CD2AP: variants seen among roughly 807,000 people sequenced by gnomAD.
CD2AP encodes CD2 associated protein, also known as CD2-associated protein.
In CD2AP, 46 loss-of-function variants were observed where a neutral mutation model predicts 85.1. That is an observed-to-expected ratio of 0.54 (90% CI 0.43 to 0.69). The LOEUF (loss-of-function observed/expected upper bound fraction) is 0.69. Among genes scored for constraint, CD2AP ranks in the 30% least tolerant of loss-of-function variants. The pLI is 0.00. For synonymous variants in CD2AP, 255 were observed against 252.9 expected (o/e 1.01, Z -0.08); for missense variants, 769 against 729.5 (o/e 1.05, Z -0.62).
chr6:47,481,084 T>C (rs1472529167), intron 1 of CD2AP, among the ~76,000 whole-genome samples: 1 of 152,166 alleles, frequency 6.6e-6, no homozygotes, highest in Non-Finnish European at 1.5e-5. Context: ...GGGAGACAGA[T>C]AGGCAGTGCT....
chr6:47,595,386 C>T (rs972566839), intron 11 of CD2AP, among the ~76,000 whole-genome samples: 3 of 151,882 alleles, frequency 2.0e-5, no homozygotes, highest in Non-Finnish European at 2.9e-5. Flanking sequence ...TTTCTCTTAA[C>T]ATTTGATTTT....
chr6:47,544,454 A>G (rs1199931340), intron 3 of CD2AP, 152 bp from the exon 4 acceptor site: 1 of 607,302 alleles, frequency 1.6e-6, no homozygotes, highest in African/African-American at 1.8e-5. Flanking sequence ...TAAAAAGCTA[A>G]CCAGGGCTGA....
chr6:47,615,784 TTTA>T (rs1462275179), intron 17 of CD2AP, among the ~76,000 whole-genome samples: 1,978 of 103,130 alleles, frequency 0.019, 29 homozygotes, highest in South Asian at 0.11. Context: ...TTAATTTTAA[TTTA>T]ATTTAATTTA....
At chr6:47,487,631 A>G (rs1240501148) in intron 1 of CD2AP, among the ~76,000 whole-genome samples, 1 of 152,184 alleles carries the variant, frequency 6.6e-6, no homozygotes, top group Non-Finnish European at 1.5e-5. Context: ...TGGAGCTTGC[A>G]GTGAGCTGAG....
rs546896725 is a variant in CD2AP, at chr6:47,595,873, C to T, written c.1121C>T (p.Thr374Ile). The change falls in exon 12 of 18, where the codon ACA (threonine) becomes ATA (isoleucine). Residue 374 changes from threonine (T) to isoleucine (I), a missense_variant. By Grantham distance (89) the Thr-to-Ile change is moderately conservative. Transcript: ENST00000359314. ...TTTTAAATCTTAGATGAAAAATCAA[C>T]ACTGGAACAGAAACCTTCTAAACCA... ...LKPEEKDEKS[T>I]LEQKPSKPAA... The T allele has an allele frequency of 6.2e-7, 1 of 1,611,950 alleles. No homozygotes were observed. Among genetic ancestry groups the T allele is most frequent in the East Asian group, 2.2e-5 (1 of 44,824 alleles).
At chr6:47,583,489 C>T (rs1301095913) in intron 11 of CD2AP, among the ~76,000 whole-genome samples, 1 of 152,102 alleles carries the variant, frequency 6.6e-6, no homozygotes, top group Non-Finnish European at 1.5e-5. Context: ...TTTGCCTTTT[C>T]CAGAGTGTCA....
chr6:47,588,091 G>A lies in CD2AP; in HGVS notation c.1108+6026G>A, dbSNP rs906971270. Among the ~76,000 whole-genome samples, 3 of 152,062 alleles carry A rather than the reference G, an allele frequency of 2.0e-5. No homozygotes were observed. The East Asian group carries it at 5.8e-4, about 29-fold the overall frequency. Reference sequence around the variant, plus strand: ...TCTGTCTAAAATACATACTTTTTTAGGGGACATCCTTCTTTCTCTGGAATT... The same window carrying A: ...TCTGTCTAAAATACATACTTTTTTAAGGGACATCCTTCTTTCTCTGGAATT... On this transcript the variant is annotated intron_variant, in intron 11 of 17. Coordinates refer to ENST00000359314, the MANE Select transcript of CD2AP (RefSeq NM_012120.3).
In CD2AP at chr6:47,478,136, A is replaced by T; in HGVS notation, c.-109A>T. 1.4e-6 allele frequency: 2 copies of T among 1,399,306 alleles called. No individual in the cohort carries two copies. Among genetic ancestry groups the T allele is most frequent in the Non-Finnish European group, 2.0e-6 (2 of 1,011,362 alleles). The allele number at this position is 1,399,306 out of a possible 1,614,324, so 86.7% of individuals were successfully genotyped here. On this transcript the variant is annotated 5_prime_UTR_variant, in exon 1 of 18. Transcript: ENST00000359314. The stretch of plus-strand genomic sequence containing the variant: ...GCCCCGCCTGAGCTCAGGAGGGGCT[A>T]GCGCGGAGCGCGGGTCCCGCCTCCA...
rs543049057 is a variant in CD2AP, at chr6:47,509,002, T to G, written c.165+5562T>G. On this transcript the variant is annotated intron_variant, in intron 2 of 17. Transcript: ENST00000359314. ...GGCCTATCTCAACTTTCAGCATTAC[T>G]TCCTCACTAAACTTGGTCATTTCTA... Among the ~76,000 whole-genome samples the G allele has an allele frequency of 2.0e-5, 3 of 152,346 alleles. No homozygotes were observed. The South Asian group carries it at 6.2e-4, about 32-fold the overall frequency.
intron 4 of CD2AP, among the ~76,000 whole-genome samples, chr6:47,550,994 G>A (rs1767503806): frequency 6.6e-6 from 1 of 152,230 alleles, no homozygotes; most frequent in Non-Finnish European, 1.5e-5. Flanking sequence ...AGGATGCAAA[G>A]GCATAAGAAT....
intron 2 of CD2AP, among the ~76,000 whole-genome samples, chr6:47,503,974 G>A (rs905739895): frequency 3.9e-5 from 6 of 152,060 alleles, no homozygotes; most frequent in African/African-American, 1.5e-4. Context: ...AATGCATTTG[G>A]TCATACTTTT....
intron 2 of CD2AP, among the ~76,000 whole-genome samples, chr6:47,512,065 G>A (rs1355150872): frequency 6.6e-6 from 1 of 152,184 alleles, no homozygotes; most frequent in Non-Finnish European, 1.5e-5. Flanking sequence ...GGCTGAGGCA[G>A]GAGAATGGTG....
intron 17 of CD2AP, among the ~76,000 whole-genome samples, chr6:47,623,600 A>AAGTT: frequency 6.6e-6 from 1 of 152,152 alleles, no homozygotes. Flanking sequence ...TAAATTCCTT[A>AAGTT]AGTTATGAAT....
At chr6:47,607,558 TATTC>T (rs1769309355) in intron 14 of CD2AP, among the ~76,000 whole-genome samples, 2 of 152,104 alleles carry the variant, frequency 1.3e-5, no homozygotes, top group African/African-American at 4.8e-5. Flanking sequence ...TGTTGTGAAA[TATTC>T]ATTGTTTTTG....
chr6:47,587,945 A>C (rs1367059046), intron 11 of CD2AP, among the ~76,000 whole-genome samples: 3 of 152,090 alleles, frequency 2.0e-5, no homozygotes, highest in Non-Finnish European at 2.9e-5. Context: ...GAATTCTATT[A>C]TTGTAGGCTC....
At chr6:47,543,148 C>CAAAAAAAAAAAAAAAAAAAAAAAAAGAAA (rs11338409) in intron 3 of CD2AP, among the ~76,000 whole-genome samples, 1 of 60,322 alleles carries the variant, frequency 1.7e-5, no homozygotes, top group South Asian at 7.6e-4. Context: ...AAGACTGTCT[C>CAAAAAAAAAAAAAAAAAAAAAAAAAGAAA]AAAAAAAAAA....
At chr6:47,495,859 C>CT (rs1360718578) in intron 1 of CD2AP, among the ~76,000 whole-genome samples, 1 of 152,180 alleles carries the variant, frequency 6.6e-6, no homozygotes, top group East Asian at 1.9e-4. Context: ...TTAGTGATCA[C>CT]TACATGCATT....
At chr6:47,599,188 G>C in intron 12 of CD2AP, 113 bp from the exon 13 acceptor site, 1 of 852,902 alleles carries the variant, frequency 1.2e-6, no homozygotes, top group Non-Finnish European at 1.9e-6. Context: ...TGGTTTTACA[G>C]AACAGAAAGT....
intron 17 of CD2AP, among the ~76,000 whole-genome samples, chr6:47,618,402 G>C (rs948714403): frequency 6.6e-6 from 1 of 152,090 alleles, no homozygotes; most frequent in Non-Finnish European, 1.5e-5. Flanking sequence ...TATTTTCACT[G>C]TTAGGGTATG....
Sources: gnomAD v4.1 joint callset for allele counts (sites outside exome capture counted in the v4.1 genomes callset) on GRCh38, gnomAD v4.1.1 for gene constraint, MANE v1.5 for transcripts, NCBI Gene and HGNC (gene_info 2026-07-23, HGNC 2026-07-21) for gene names.